Variants in NRG1 observed in about 807,000 individuals in gnomAD.
The protein encoded by NRG1 is neuregulin 1.
NRG1 carries 18 observed loss-of-function variants against 63.8 expected under a neutral mutation model. The ratio of observed to expected loss-of-function variants is 0.28; its 90% CI spans 0.19 to 0.42. The LOEUF is 0.42. Ranked by LOEUF, NRG1 falls within the 10% of genes least tolerant of loss-of-function variation. The pLI, the probability that NRG1 is intolerant of heterozygous loss-of-function variation, is 1.00. For missense variants in NRG1, 762 were observed against 814.7 expected (o/e 0.94, Z 0.79); for synonymous variants, 302 against 301.3 (o/e 1.00, Z -0.02).
At chr8:32,486,017 T>G (rs372312809) in intron 1 of NRG1, among the ~76,000 whole-genome samples, 88 of 152,214 alleles carry the variant, frequency 5.8e-4, no homozygotes, top group African/African-American at 2.0e-3. Flanking sequence ...AACCTCCGCC[T>G]CCTGGGTTTA....
chr8:32,071,237 C>T (rs753844675), intron 1 of NRG1, among the ~76,000 whole-genome samples: 9 of 152,208 alleles, frequency 5.9e-5, no homozygotes, highest in Non-Finnish European at 1.2e-4. Context: ...CCATCCTTAA[C>T]TCGATAGGAG....
At chr8:32,018,551 T>C (rs1815933245) in intron 1 of NRG1, among the ~76,000 whole-genome samples, 1 of 152,236 alleles carries the variant, frequency 6.6e-6, no homozygotes, top group Non-Finnish European at 1.5e-5. Context: ...GTATCTTATT[T>C]CTTTCTCTGA....
At chr8:32,517,740 A>T (rs1172954559) in intron 1 of NRG1, among the ~76,000 whole-genome samples, 2 of 152,294 alleles carry the variant, frequency 1.3e-5, no homozygotes, top group Admixed American at 1.3e-4. Context: ...GCTATTTATT[A>T]TATGTCATGT....
intron 6 of NRG1, among the ~76,000 whole-genome samples, chr8:32,734,856 A>G (rs772113473): frequency 1.3e-5 from 2 of 152,350 alleles, no homozygotes; most frequent in Non-Finnish European, 2.9e-5. Flanking sequence ...TTGAGCAGCC[A>G]TGTACATTTA....
At chr8:32,078,777 A>G (rs1031354333) in intron 1 of NRG1, among the ~76,000 whole-genome samples, 1 of 151,864 alleles carries the variant, frequency 6.6e-6, no homozygotes, top group Non-Finnish European at 1.5e-5. Context: ...GATAGATATA[A>G]CCTCCCTCCT....
intron 1 of NRG1, among the ~76,000 whole-genome samples, chr8:32,366,701 ATATATATATATATC>A (rs1563367106): frequency 4.2e-5 from 2 of 47,692 alleles, no homozygotes; most frequent in South Asian, 7.6e-4. Context: ...ATATATATAT[ATATATATATATATC>A]TCACTTTTTT....
intron 5 of NRG1, among the ~76,000 whole-genome samples, chr8:32,633,546 C>T (rs970769285): frequency 6.6e-6 from 1 of 152,114 alleles, no homozygotes; most frequent in Non-Finnish European, 1.5e-5. Flanking sequence ...CATGCATATA[C>T]AATAAACAGT....
chr8:32,435,284 C>A (rs1477125890), intron 1 of NRG1, among the ~76,000 whole-genome samples: 1 of 152,108 alleles, frequency 6.6e-6, no homozygotes, highest in Admixed American at 6.6e-5. Flanking sequence ...AAGGTGTCCA[C>A]ATATCACAAA....
intron 1 of NRG1, among the ~76,000 whole-genome samples, chr8:32,088,634 C>T (rs1400192140): frequency 1.3e-5 from 2 of 151,652 alleles, no homozygotes; most frequent in Non-Finnish European, 2.9e-5. Flanking sequence ...TTTTCTGCCT[C>T]AGCCTTCTGA....
chr8:31,710,449 T>C (rs1275077737), intron 1 of NRG1, among the ~76,000 whole-genome samples: 1 of 151,952 alleles, frequency 6.6e-6, no homozygotes, highest in African/African-American at 2.4e-5. Flanking sequence ...TGCTACTCTA[T>C]TCTCATAGCT....
intron 1 of NRG1, among the ~76,000 whole-genome samples, chr8:32,407,094 A>G (rs1814093784): frequency 6.6e-6 from 1 of 151,770 alleles, no homozygotes; most frequent in Admixed American, 6.6e-5. Flanking sequence ...CCTCATCTGT[A>G]ATATTAATTC....
chr8:32,061,009 C>T (rs999440232), intron 1 of NRG1, among the ~76,000 whole-genome samples: 2 of 151,862 alleles, frequency 1.3e-5, no homozygotes, highest in African/African-American at 4.8e-5. Flanking sequence ...CACACCCTTT[C>T]TTGGTTATTA....
chr8:32,653,517 C>T (rs192060397), intron 5 of NRG1, among the ~76,000 whole-genome samples: 1 of 152,266 alleles, frequency 6.6e-6, no homozygotes, highest in East Asian at 1.9e-4. Flanking sequence ...AGGGGTGATT[C>T]ACCATATGGC....
intron 1 of NRG1, among the ~76,000 whole-genome samples, chr8:32,186,003 T>C (rs73232260): frequency 0.18 from 26,725 of 152,164 alleles, 2,515 homozygotes; most frequent in East Asian, 0.26. Context: ...TTAGATCTTA[T>C]AGAAGTTACT....
chr8:31,713,224 C>T (rs1407584613), intron 1 of NRG1, among the ~76,000 whole-genome samples: 1 of 147,112 alleles, frequency 6.8e-6, no homozygotes, highest in Non-Finnish European at 1.5e-5. Flanking sequence ...TCACGCCATT[C>T]TCCTGCCTCA....
chr8:32,289,912 T>C (rs142620459), intron 1 of NRG1, among the ~76,000 whole-genome samples: 7 of 152,310 alleles, frequency 4.6e-5, no homozygotes, highest in African/African-American at 1.2e-4. Flanking sequence ...TCACTATTAT[T>C]TTAATAGGCC....
chr8:32,351,076 A>C (rs1220894959), intron 1 of NRG1, among the ~76,000 whole-genome samples: 1 of 152,130 alleles, frequency 6.6e-6, no homozygotes, highest in Admixed American at 6.5e-5. Context: ...AGGAATCTAA[A>C]AGTAGTTTTT....
chr8:32,106,030 C>G (rs1469856155), intron 1 of NRG1, among the ~76,000 whole-genome samples: 2 of 152,262 alleles, frequency 1.3e-5, no homozygotes, highest in African/African-American at 4.8e-5. Context: ...GACTTGACTA[C>G]TCTCTTAGGA....
chr8:32,754,215 G>C (rs1829250054), intron 7 of NRG1, 157 bp from the exon 8 acceptor site: 1 of 660,496 alleles, frequency 1.5e-6, no homozygotes, highest in South Asian at 1.8e-5. Flanking sequence ...TGCAGAGCAT[G>C]TTGTACCTTA....
Sources: gnomAD v4.1 joint callset for allele counts (sites outside exome capture counted in the v4.1 genomes callset) on GRCh38, gnomAD v4.1.1 for gene constraint, MANE v1.5 for transcripts, NCBI Gene and HGNC (gene_info 2026-07-23, HGNC 2026-07-21) for gene names.